The following TADA2A variants were observed in gnomAD, a reference collection of about 807,000 sequenced individuals.
The protein encoded by TADA2A is transcriptional adaptor 2A, also known as transcriptional adapter 2-alpha.
In TADA2A, 38 loss-of-function variants were observed where a neutral mutation model predicts 67.4. The ratio of observed to expected loss-of-function variants is 0.56; its 90% CI spans 0.44 to 0.74. TADA2A has a LOEUF of 0.74. Ranked by LOEUF, TADA2A falls within the 30% of genes least tolerant of loss-of-function variation. The probability of loss-of-function intolerance (pLI) is 0.00; values close to 1 mark genes in which losing one functional copy is unlikely to be tolerated. For synonymous variants in TADA2A, 192 were observed against 181.6 expected (o/e 1.06, Z -0.46); for missense variants, 454 against 547.0 (o/e 0.83, Z 1.70).
chr17:37,408,779 A>T (rs1357812954), intron 1 of TADA2A, among the ~76,000 whole-genome samples: 3 of 151,994 alleles, frequency 2.0e-5, no homozygotes, highest in Non-Finnish European at 4.4e-5. Context: ...CCCTTGCTAG[A>T]CTCATTTTTC....
chr17:37,448,490 G>C (rs2053143635), intron 8 of TADA2A, among the ~76,000 whole-genome samples: 1 of 152,202 alleles, frequency 6.6e-6, no homozygotes, highest in African/African-American at 2.4e-5. Context: ...CAGAAAGAGA[G>C]AGAGAGAAGA....
chr17:37,430,134 A>T (rs931161589), intron 4 of TADA2A, among the ~76,000 whole-genome samples: 11 of 152,196 alleles, frequency 7.2e-5, no homozygotes, highest in African/African-American at 2.7e-4. Flanking sequence ...TTCTTTAGCT[A>T]TTCTGGCATC....
At chr17:37,444,014 G>T (rs1329473973) in intron 7 of TADA2A, among the ~76,000 whole-genome samples, 2 of 152,092 alleles carry the variant, frequency 1.3e-5, no homozygotes, top group African/African-American at 2.4e-5. Flanking sequence ...GAGGCAGGCG[G>T]ATTGCTTGAG....
At position 37,477,745 on chromosome 17, in the gene TADA2A, TG is replaced by T. The variant is rs2053918189; in HGVS notation, c.*764del. 6.6e-6 allele frequency: 1 copy of T among 152,094 alleles called. No individual in the cohort carries two copies. The highest frequency in any genetic ancestry group is 1.5e-5 in the Non-Finnish European group (1 of 68,068). 9.4% of individuals were successfully genotyped at this position (152,094 alleles called of 1,614,324 possible). ...TCCCAAAGTACTAGGATTACAGGCG[TG>T]AGCCATCGCGCCCGGCCTAAGCTGA... is the stretch of plus-strand genomic sequence containing the variant. On this transcript the variant is annotated 3_prime_UTR_variant, in exon 16 of 16. Transcript: ENST00000615182.
Position 37,438,539 on chromosome 17 carries a change from G to A in TADA2A, c.284+710G>A, listed in dbSNP as rs969770733. 2.6e-5 allele frequency among the ~76,000 whole-genome samples: 4 copies of A among 152,138 alleles called. No homozygotes were observed. In the South Asian group the frequency reaches 8.3e-4, roughly 32 times the overall value. On this transcript the variant is annotated intron_variant, in intron 5 of 15. Transcript: ENST00000615182. ...AAGGACTCTTAATTAGGTCCTCCCT[G>A]TCCTGACTTACTAGTGTATATAACC...
Position 37,477,088 on chromosome 17 carries a change from G to A in TADA2A, c.*106G>A. 1 of 1,187,852 alleles carries A rather than the reference G, an allele frequency of 8.4e-7. No homozygotes were observed. The highest frequency in any genetic ancestry group is 1.2e-6 in the Non-Finnish European group (1 of 849,952). 73.6% of individuals were successfully genotyped at this position (1,187,852 alleles called of 1,614,324 possible). A position where few individuals can be genotyped will look rare whatever the true frequency, so the allele number is the denominator to read the frequency against. On this transcript the variant is annotated 3_prime_UTR_variant, in exon 16 of 16. Transcript: ENST00000615182. ...GTTGTTTTTCAGCTGAATTCTCATG[G>A]TGAAAACAGGGGAAAGGACAAAGGA...
intron 14 of TADA2A, among the ~76,000 whole-genome samples, chr17:37,474,239 A>T (rs2053848576): frequency 6.6e-6 from 1 of 152,196 alleles, no homozygotes; most frequent in African/African-American, 2.4e-5. Context: ...ACCCTGTCTC[A>T]AAAATAATAA....
chr17:37,472,868 A>T (rs545716852), intron 14 of TADA2A, among the ~76,000 whole-genome samples: 9 of 151,996 alleles, frequency 5.9e-5, no homozygotes, highest in South Asian at 2.1e-4. Flanking sequence ...CTCAAAAAAT[A>T]AATAAATTAA....
At position 37,477,067 on chromosome 17, in the gene TADA2A, T is replaced by C; in HGVS notation, c.*85T>C. 1 of 1,368,734 alleles carries C rather than the reference T, an allele frequency of 7.3e-7. No individual in the cohort carries two copies. Among genetic ancestry groups the C allele is most frequent in the Non-Finnish European group, 9.9e-7 (1 of 1,007,172 alleles). The allele number at this position is 1,368,734 out of a possible 1,614,324, so 84.8% of individuals were successfully genotyped here. The stretch of plus-strand genomic sequence containing the variant: ...TATGGGTGGGCATTCTGGAGAGTTG[T>C]TTTTCAGCTGAATTCTCATGGTGAA... On this transcript the variant is annotated 3_prime_UTR_variant, in exon 16 of 16. Transcript: ENST00000615182.
chr17:37,472,813 G>A (rs1401536227), intron 14 of TADA2A, among the ~76,000 whole-genome samples: 1 of 152,126 alleles, frequency 6.6e-6, no homozygotes, highest in Admixed American at 6.5e-5. Context: ...AGTGAGCCAA[G>A]ATCGCACCAT....
chr17:37,470,578 C>G, intron 13 of TADA2A, 46 bp downstream of exon 13: 1 of 1,474,372 alleles, frequency 6.8e-7, no homozygotes, highest in Non-Finnish European at 9.0e-7. Context: ...TCTGGGATGC[C>G]TTGGCCTTCA....
chr17:37,415,874 C>CAAAAAAAAAAAAAAAAA (rs35954525), intron 2 of TADA2A, among the ~76,000 whole-genome samples: 2 of 105,866 alleles, frequency 1.9e-5, no homozygotes, highest in African/African-American at 7.0e-5. Context: ...AACTCCTTCT[C>CAAAAAAAAAAAAAAAAA]AAAAAAAAAA....
chr17:37,477,465 CTT>C lies in TADA2A; in HGVS notation c.*499_*500del, dbSNP rs60104676. On this transcript the variant is annotated 3_prime_UTR_variant, in exon 16 of 16. Transcript: ENST00000615182. ...GTTGAAGGATTTTTTAAGCTGACAACTTTTTTTTTTTTTTTTTGAGACAGAGT... is the reference window on the plus strand; with the variant it reads ...GTTGAAGGATTTTTTAAGCTGACAACTTTTTTTTTTTTTTTGAGACAGAGT... 22 of 140,902 alleles carry C rather than the reference CTT, an allele frequency of 1.6e-4. No individual in the cohort carries two copies. Among genetic ancestry groups the C allele is most frequent in the Non-Finnish European group, 1.6e-4 (10 of 64,464 alleles). The allele number at this position is 140,902 out of a possible 1,614,324, so 8.7% of individuals were successfully genotyped here.
chr17:37,467,772 C>T (rs957484826), intron 12 of TADA2A, among the ~76,000 whole-genome samples: 5 of 151,898 alleles, frequency 3.3e-5, no homozygotes, highest in African/African-American at 9.7e-5. Flanking sequence ...AGGATTCTGC[C>T]GAGGCTCTTT....
Position 37,478,732 on chromosome 17 carries a change from A to C in TADA2A, c.*1750A>C, listed in dbSNP as rs77884802. On this transcript the variant is annotated 3_prime_UTR_variant, in exon 16 of 16. Coordinates refer to ENST00000615182, the MANE Select transcript of TADA2A (RefSeq NM_001166105.3). ...GACTGTTTAATTCCTTCTACATTCAAATATCTAATTAAAATACTGTGTGCT... is the reference window on the plus strand; with the variant it reads ...GACTGTTTAATTCCTTCTACATTCACATATCTAATTAAAATACTGTGTGCT... 77 of 152,320 alleles carry C rather than the reference A, an allele frequency of 5.1e-4. No homozygotes were observed. The highest frequency in any genetic ancestry group is 1.7e-3 in the African/African-American group (72 of 41,568). The allele number at this position is 152,320 out of a possible 1,614,324, so 9.4% of individuals were successfully genotyped here.
At chr17:37,449,997 T>C (rs918384894) in intron 8 of TADA2A, among the ~76,000 whole-genome samples, 1 of 152,212 alleles carries the variant, frequency 6.6e-6, no homozygotes, top group Admixed American at 6.5e-5. Context: ...TGTCAATCTT[T>C]TGGCTTCCCT....
chr17:37,476,863 T>C lies in TADA2A; in HGVS notation c.1213T>C (p.Cys405Arg). ...LEYKSALLNE[C>R]NKQGGLRLAQ... ...ATACAAATCTGCTCTATTGAACGAA[T>C]GTAACAAGCAAGGAGGCTTAAGACT... The change falls in exon 16 of 16, where the codon TGT becomes CGT. Residue 405 changes from cysteine to arginine, a missense_variant. By Grantham distance (180) the Cys-to-Arg change is radical. This residue lies in a region of TADA2A where 51 missense variants were observed against 91.5 expected (regional missense o/e 0.56). Coordinates refer to ENST00000615182, the MANE Select transcript of TADA2A (RefSeq NM_001166105.3). 1.2e-6 allele frequency: 2 copies of C among 1,614,170 alleles called. No homozygotes were observed. The highest frequency in any genetic ancestry group is 1.7e-6 in the Non-Finnish European group (2 of 1,180,032).
At chr17:37,409,325 G>T (rs1314357141) in intron 1 of TADA2A, among the ~76,000 whole-genome samples, 1 of 152,098 alleles carries the variant, frequency 6.6e-6, no homozygotes, top group Non-Finnish European at 1.5e-5. Flanking sequence ...CTGACCTCTG[G>T]AGATTCATCT....
intron 5 of TADA2A, 43 bp downstream of exon 5, chr17:37,437,872 AG>A: frequency 6.4e-7 from 1 of 1,552,292 alleles, no homozygotes; most frequent in Admixed American, 1.7e-5. Flanking sequence ...TAGTGGACTC[AG>A]AGAAGAAGCT....
Sources: gnomAD v4.1 joint callset for allele counts (sites outside exome capture counted in the v4.1 genomes callset) on GRCh38, gnomAD v4.1.1 for gene constraint, gnomAD v4.1.1 regional missense constraint, MANE v1.5 for transcripts, NCBI Gene and HGNC (gene_info 2026-07-23, HGNC 2026-07-21) for gene names.